The following LDLRAD4 variants were observed in gnomAD, a reference collection of about 807,000 sequenced individuals.
The protein encoded by LDLRAD4 is low-density lipoprotein receptor class A domain-containing protein 4.
Under a neutral mutation model 17.0 loss-of-function variants are expected in LDLRAD4, and 5 were observed. That is an observed-to-expected ratio of 0.29 (90% CI 0.15 to 0.62). The LOEUF (loss-of-function observed/expected upper bound fraction) is 0.62. Among genes scored for constraint, LDLRAD4 ranks in the 20% least tolerant of loss-of-function variants. LDLRAD4 has a pLI of 0.84. For synonymous variants in LDLRAD4, 168 were observed against 171.8 expected, an observed-to-expected ratio of 0.98 and a Z score of 0.17; for missense variants, 340 against 424.7, an observed-to-expected ratio of 0.80 and a Z score of 1.75.
intron 1 of LDLRAD4, among the ~76,000 whole-genome samples, chr18:13,226,179 G>GTTTTTTTTTTTTTT (rs1243883704): frequency 1.5e-3 from 17 of 11,462 alleles, no homozygotes; most frequent in East Asian, 4.0e-3. Flanking sequence ...GCCATGCCTT[G>GTTTTTTTTTTTTTT]CTTTTTTTTT....
chr18:13,571,115 T>C (rs1237500497), intron 3 of LDLRAD4, among the ~76,000 whole-genome samples: 1 of 152,120 alleles, frequency 6.6e-6, no homozygotes, highest in African/African-American at 2.4e-5. Flanking sequence ...CCACCACGCC[T>C]GGCATGCCCT....
At chr18:13,494,685 T>TAATTAATATTA (rs2093427704) in intron 3 of LDLRAD4, among the ~76,000 whole-genome samples, 1 of 9,574 alleles carries the variant, frequency 1.0e-4, no homozygotes, top group Non-Finnish European at 2.6e-4. Context: ...TATAATATAT[T>TAATTAATATTA]ATTAAAAATA....
intron 3 of LDLRAD4, among the ~76,000 whole-genome samples, chr18:13,483,221 C>T (rs73958204): frequency 9.1e-4 from 139 of 152,264 alleles, no homozygotes; most frequent in African/African-American, 3.2e-3. Context: ...ATATATTGAG[C>T]CCCAGTCCTT....
intron 3 of LDLRAD4, among the ~76,000 whole-genome samples, chr18:13,482,973 C>G (rs2146971576): frequency 6.6e-6 from 1 of 152,250 alleles, no homozygotes; most frequent in East Asian, 1.9e-4. Flanking sequence ...AGGAACTTCC[C>G]TAGGTCAGAT....
chr18:13,443,839 G>A (rs117980933), intron 3 of LDLRAD4, among the ~76,000 whole-genome samples: 4,514 of 152,234 alleles, frequency 0.03, 95 homozygotes, highest in Middle Eastern at 0.054. Flanking sequence ...GTGCTTCTCT[G>A]TCCCACACCA....
At chr18:13,490,272 A>G (rs911611277) in intron 3 of LDLRAD4, 1 of 152,252 alleles carries the variant, frequency 6.6e-6, no homozygotes, top group African/African-American at 2.4e-5. Context: ...TTAAATGCTC[A>G]AAAGTCAGAA....
chr18:13,357,051 G>A (rs936519849), intron 1 of LDLRAD4, among the ~76,000 whole-genome samples: 26 of 152,036 alleles, frequency 1.7e-4, no homozygotes, highest in Non-Finnish European at 3.2e-4. Flanking sequence ...GGAGAATGGC[G>A]TGAACCCAGG....
chr18:13,498,664 C>G (rs2093535406), intron 3 of LDLRAD4, among the ~76,000 whole-genome samples: 1 of 149,826 alleles, frequency 6.7e-6, no homozygotes, highest in Non-Finnish European at 1.5e-5. Context: ...CTGGAGAATC[C>G]TTTTCCCCAC....
intron 3 of LDLRAD4, among the ~76,000 whole-genome samples, chr18:13,570,028 G>A (rs922423103): frequency 6.6e-6 from 1 of 152,240 alleles, no homozygotes; most frequent in Non-Finnish European, 1.5e-5. Context: ...GGCTTAGAAA[G>A]TGTTTTGGGG....
intron 1 of LDLRAD4, among the ~76,000 whole-genome samples, chr18:13,318,917 C>G (rs910737976): frequency 1.3e-5 from 2 of 152,200 alleles, no homozygotes; most frequent in African/African-American, 4.8e-5. Flanking sequence ...GTCCCCTTCC[C>G]TAGTGACTCG....
chr18:13,650,269 G>GCTT, exon 6 of LDLRAD4: 2 of 410,038 alleles, frequency 4.9e-6, no homozygotes, highest in Non-Finnish European at 8.6e-6. Flanking sequence ...TGCTGCTGCT[G>GCTT]CTTCTCGAAC....
chr18:13,387,799 A>G (rs752397512), intron 2 of LDLRAD4, 37 bp downstream of exon 3: 3 of 1,586,614 alleles, frequency 1.9e-6, no homozygotes, highest in Middle Eastern at 1.7e-4. Flanking sequence ...CTTTGCCTCC[A>G]CTCCTGGGAG....
chr18:13,289,628 T>G (rs1280056018), intron 1 of LDLRAD4, among the ~76,000 whole-genome samples: 1 of 152,128 alleles, frequency 6.6e-6, no homozygotes, highest in Non-Finnish European at 1.5e-5. Context: ...CTTTGCAAAG[T>G]AAAAGAGAGA....
At chr18:13,521,722 G>A (rs572810162) in intron 3 of LDLRAD4, 8 of 152,096 alleles carry the variant, frequency 5.3e-5, no homozygotes, top group Admixed American at 4.6e-4. Context: ...CCATGTTGGT[G>A]ACCTGCTCTG....
At chr18:13,594,485 G>A (rs2095066985) in intron 3 of LDLRAD4, among the ~76,000 whole-genome samples, 1 of 151,846 alleles carries the variant, frequency 6.6e-6, no homozygotes, top group Admixed American at 6.6e-5. Context: ...AGGCCAGCAT[G>A]GTGAAAGCCA....
At chr18:13,310,254 G>T (rs1010952065) in intron 1 of LDLRAD4, among the ~76,000 whole-genome samples, 1 of 151,838 alleles carries the variant, frequency 6.6e-6, no homozygotes, top group Non-Finnish European at 1.5e-5. Context: ...GGAGGCTGAG[G>T]TGGGAGGATC....
At chr18:13,579,790 T>G (rs2094830634) in intron 3 of LDLRAD4, among the ~76,000 whole-genome samples, 1 of 152,242 alleles carries the variant, frequency 6.6e-6, no homozygotes, top group Non-Finnish European at 1.5e-5. Flanking sequence ...TGCGGTATTC[T>G]TTTTCCTGTG....
chr18:13,574,818 G>A (rs1176294022), intron 3 of LDLRAD4, among the ~76,000 whole-genome samples: 1 of 152,222 alleles, frequency 6.6e-6, no homozygotes, highest in Admixed American at 6.5e-5. Flanking sequence ...GTTCCAAGCT[G>A]TAGCCAAAAG....
chr18:13,275,697 T>C (rs1336244881), upstream of LDLRAD4, among the ~76,000 whole-genome samples: 1 of 152,240 alleles, frequency 6.6e-6, no homozygotes, highest in East Asian at 1.9e-4. Context: ...TATTTCATAT[T>C]ATATGCCTGT....
Sources: gnomAD v4.1 joint callset for allele counts (sites outside exome capture counted in the v4.1 genomes callset) on GRCh38, gnomAD v4.1.1 for gene constraint, MANE v1.5 for transcripts, NCBI Gene and HGNC (gene_info 2026-07-23, HGNC 2026-07-21) for gene names.